The following TMEM161B variants were observed in gnomAD, a reference collection of about 807,000 sequenced individuals.
The protein encoded by TMEM161B is transmembrane protein 161B.
In TMEM161B, 34 loss-of-function variants were observed where a neutral mutation model predicts 61.8. The ratio of observed to expected loss-of-function variants is 0.55; its 90% CI spans 0.42 to 0.73. The LOEUF is 0.73. Among genes scored for constraint, TMEM161B ranks in the 30% least tolerant of loss-of-function variants. The pLI, the probability that TMEM161B is intolerant of heterozygous loss-of-function variation, is 0.00. For synonymous variants in TMEM161B, 167 were observed against 192.8 expected (o/e 0.87, Z 1.11); for missense variants, 456 against 558.5 (o/e 0.82, Z 1.85).
intron 1 of TMEM161B, among the ~76,000 whole-genome samples, chr5:88,254,937 G>A (rs1249935369): frequency 1.3e-5 from 2 of 151,806 alleles, no homozygotes; most frequent in African/African-American, 4.8e-5. Flanking sequence ...GATTAAGTGG[G>A]TAATCAAAAG....
In TMEM161B at chr5:88,195,087, A is replaced by C. The variant is rs1749396997; in HGVS notation, c.*1124T>G. ...ACCTGTAGACCTGATTTGAGAGGGA[A>C]AGATTCTGATTTTTGGAAATGACAG... On this transcript the variant is annotated 3_prime_UTR_variant, in exon 12 of 12. Coordinates refer to ENST00000296595, the MANE Select transcript of TMEM161B (RefSeq NM_153354.5). 1.1e-6 allele frequency: 1 copy of C among 940,086 alleles called. No homozygotes were observed. The highest frequency in any genetic ancestry group is 1.8e-5 in the African/African-American group (1 of 56,158). 58.2% of individuals were successfully genotyped at this position (940,086 alleles called of 1,614,324 possible).
chr5:88,217,906 A>G (rs1404766682), intron 5 of TMEM161B, among the ~76,000 whole-genome samples: 2 of 7,286 alleles, frequency 2.7e-4, no homozygotes, highest in Non-Finnish European at 5.5e-4. Flanking sequence ...TACTAGGCAG[A>G]AAAAAAAAAA....
chr5:88,203,750 CAT>C (rs35091076), intron 8 of TMEM161B, among the ~76,000 whole-genome samples: 1 of 93,814 alleles, frequency 1.1e-5, no homozygotes, highest in Non-Finnish European at 2.0e-5. Flanking sequence ...ATTTCCCTAT[CAT>C]ATATATATAT....
chr5:88,227,549 T>C (rs1334284304), intron 3 of TMEM161B, among the ~76,000 whole-genome samples: 2 of 152,194 alleles, frequency 1.3e-5, no homozygotes, highest in Non-Finnish European at 2.9e-5. Flanking sequence ...CAGGTATATT[T>C]GTAATGATAA....
intron 1 of TMEM161B, among the ~76,000 whole-genome samples, chr5:88,247,479 A>G (rs760425117): frequency 1.3e-5 from 2 of 152,044 alleles, no homozygotes; most frequent in Non-Finnish European, 2.9e-5. Flanking sequence ...GGTTTCAGTT[A>G]TCTCCCTAAA....
At chr5:88,190,224 A>G (rs1206689836), downstream of TMEM161B, 3 of 701,108 alleles carry the variant, frequency 4.3e-6, no homozygotes, top group Middle Eastern at 3.7e-4. Context: ...ATAAGCTTGC[A>G]TGCCGGGTGG....
At chr5:88,227,299 C>T (rs1750218649) in intron 3 of TMEM161B, among the ~76,000 whole-genome samples, 1 of 152,128 alleles carries the variant, frequency 6.6e-6, no homozygotes, top group Admixed American at 6.5e-5. Flanking sequence ...TCCTGGTTAC[C>T]AGTACGTAAC....
exon 13 of TMEM161B, chr5:88,189,800 T>G: frequency 2.3e-6 from 1 of 432,942 alleles, no homozygotes. Flanking sequence ...AAGGGGTACA[T>G]CTAATTTTAA....
At chr5:88,265,153 A>G (rs1460401502) in intron 1 of TMEM161B, among the ~76,000 whole-genome samples, 2 of 152,224 alleles carry the variant, frequency 1.3e-5, no homozygotes, top group Non-Finnish European at 2.9e-5. Flanking sequence ...ACCCCAAATT[A>G]TCAGCGCAGA....
At chr5:88,189,032 C>T (rs1345972891), downstream of TMEM161B, among the ~76,000 whole-genome samples, 1 of 152,106 alleles carries the variant, frequency 6.6e-6, no homozygotes, top group Non-Finnish European at 1.5e-5. Context: ...TCTACACTAC[C>T]CAGGTCTTCC....
chr5:88,228,670 C>A, intron 2 of TMEM161B, 142 bp from the exon 3 acceptor site: 1 of 648,754 alleles, frequency 1.5e-6, no homozygotes, highest in Non-Finnish European at 2.5e-6. Flanking sequence ...GAAACAAATA[C>A]TAACTCTTAA....
At chr5:88,240,769 A>C in intron 2 of TMEM161B, 44 bp downstream of exon 2, 49 of 1,372,484 alleles carry the variant, frequency 3.6e-5, no homozygotes, top group Non-Finnish European at 4.6e-5. Context: ...TTGGTAAACT[A>C]GAGATTGAAA....
chr5:88,248,263 C>T (rs569915979), intron 1 of TMEM161B, among the ~76,000 whole-genome samples: 1 of 152,218 alleles, frequency 6.6e-6, no homozygotes, highest in African/African-American at 2.4e-5. Flanking sequence ...ATTCTTCCCA[C>T]AGGAGTCTTA....
chr5:88,210,254 A>C (rs1242890729), intron 5 of TMEM161B, among the ~76,000 whole-genome samples: 2 of 152,220 alleles, frequency 1.3e-5, no homozygotes, highest in Non-Finnish European at 2.9e-5. Flanking sequence ...TTTTCTAGAC[A>C]ACTGAATTAA....
At chr5:88,230,823 T>C (rs1288224518) in intron 2 of TMEM161B, among the ~76,000 whole-genome samples, 1 of 152,148 alleles carries the variant, frequency 6.6e-6, no homozygotes, top group African/African-American at 2.4e-5. Flanking sequence ...TGTAGAAGTA[T>C]CTTTGTTATG....
At chr5:88,197,925 A>C in intron 10 of TMEM161B, 160 bp from the exon 11 acceptor site, 1 of 489,402 alleles carries the variant, frequency 2.0e-6, no homozygotes, top group Non-Finnish European at 3.5e-6. Flanking sequence ...TGTCCCCAAA[A>C]TGACTTTGGA....
At chr5:88,214,635 G>A (rs1219121431) in intron 5 of TMEM161B, among the ~76,000 whole-genome samples, 1 of 152,004 alleles carries the variant, frequency 6.6e-6, no homozygotes, top group Non-Finnish European at 1.5e-5. Context: ...AAGACTTCAT[G>A]GGCCATCATA....
intron 3 of TMEM161B, among the ~76,000 whole-genome samples, chr5:88,227,615 G>A (rs1199951352): frequency 6.6e-6 from 1 of 152,172 alleles, no homozygotes; most frequent in Admixed American, 6.5e-5. Context: ...TTTCCAATTT[G>A]ATGCCAAATA....
intron 11 of TMEM161B, 102 bp from the exon 12 acceptor site, chr5:88,196,590 TGGCACAG>T: frequency 1.7e-6 from 2 of 1,162,802 alleles, no homozygotes; most frequent in East Asian, 5.1e-5. Flanking sequence ...ATATGTTTAG[TGGCACAG>T]TACATCATTT....
Sources: gnomAD v4.1 joint callset for allele counts (sites outside exome capture counted in the v4.1 genomes callset) on GRCh38, gnomAD v4.1.1 for gene constraint, MANE v1.5 for transcripts, NCBI Gene and HGNC (gene_info 2026-07-23, HGNC 2026-07-21) for gene names.